The following MICAL2 variants were observed in gnomAD, a reference collection of about 807,000 sequenced individuals.
MICAL2 encodes the protein microtubule associated monooxygenase, calponin and LIM domain containing 2.
MICAL2 carries 77 observed loss-of-function variants against 127.3 expected under a neutral mutation model. That is an observed-to-expected ratio of 0.60 (90% CI 0.50 to 0.73). MICAL2 has a LOEUF of 0.73. Among genes scored for constraint, MICAL2 ranks in the 30% least tolerant of loss-of-function variants. MICAL2 has a pLI of 0.00. For synonymous variants in MICAL2, 570 were observed against 551.1 expected (o/e 1.03, Z -0.48); for missense variants, 1,351 against 1,434.4 (o/e 0.94, Z 0.94).
chr11:12,176,531 A>G (rs1285459070), intron 3 of MICAL2, among the ~76,000 whole-genome samples: 1 of 152,170 alleles, frequency 6.6e-6, no homozygotes. Flanking sequence ...TTAAGTGCAC[A>G]GTTCAGTGGC....
intron 13 of MICAL2, 103 bp downstream of exon 13, chr11:12,224,923 T>C (rs1857237441): frequency 7.2e-7 from 1 of 1,387,370 alleles, no homozygotes; most frequent in Non-Finnish European, 9.8e-7. Flanking sequence ...TCTTTCTGTG[T>C]TTCAATTTGA....
intron 3 of MICAL2, among the ~76,000 whole-genome samples, chr11:12,185,944 A>C (rs142250989): frequency 9.2e-5 from 14 of 152,360 alleles, no homozygotes; most frequent in African/African-American, 3.4e-4. Context: ...TGTGCTTCCC[A>C]GGCACATAGC....
intron 3 of MICAL2, among the ~76,000 whole-genome samples, chr11:12,168,742 G>A (rs558709966): frequency 6.6e-6 from 1 of 151,782 alleles, no homozygotes; most frequent in Non-Finnish European, 1.5e-5. Context: ...GAAAATATAG[G>A]GTGAGACCGG....
At chr11:12,151,683 C>A (rs1565046439) in intron 2 of MICAL2, among the ~76,000 whole-genome samples, 2 of 152,176 alleles carry the variant, frequency 1.3e-5, no homozygotes, top group Non-Finnish European at 2.9e-5. Flanking sequence ...TGTGCCCTGG[C>A]AGAAGTAGAA....
chr11:12,234,408 C>A (rs924507254), intron 15 of MICAL2, among the ~76,000 whole-genome samples: 4 of 152,150 alleles, frequency 2.6e-5, no homozygotes, highest in African/African-American at 9.7e-5. Flanking sequence ...GCAAGAGTAG[C>A]ATTCCCAGGC....
At chr11:12,255,366 C>T in intron 22 of MICAL2, 1 of 433,942 alleles carries the variant, frequency 2.3e-6, no homozygotes, top group African/African-American at 2.0e-5. Flanking sequence ...TGTTCTACTG[C>T]CTGTCTCTAC....
chr11:12,174,160 G>T (rs1397807350), intron 3 of MICAL2, among the ~76,000 whole-genome samples: 5 of 106,518 alleles, frequency 4.7e-5, no homozygotes, highest in Non-Finnish European at 1.2e-4. Flanking sequence ...ACTGAATTGA[G>T]TTTGAGGTTT....
chr11:12,117,600 CT>C (rs1850144156), intron 1 of MICAL2, among the ~76,000 whole-genome samples: 1 of 152,188 alleles, frequency 6.6e-6, no homozygotes. Flanking sequence ...CTAACAAGAG[CT>C]GCCCTCTGAA....
In MICAL2 at chr11:12,259,784, C is replaced by T. The variant is rs1350425681; in HGVS notation, c.3232-11C>T. 6.5e-6 allele frequency: 10 copies of T among 1,529,140 alleles called. No homozygotes were observed. Among genetic ancestry groups the T allele is most frequent in the Non-Finnish European group, 8.8e-6 (10 of 1,136,892 alleles). 94.7% of individuals were successfully genotyped at this position (1,529,140 alleles called of 1,614,324 possible). A position where few individuals can be genotyped will look rare whatever the true frequency, so the allele number is the denominator to read the frequency against. On this transcript the variant is annotated splice_polypyrimidine_tract_variant and intron_variant, in intron 25 of 27. Transcript: ENST00000683283. ...TACAGACAAATGCCCTCATTTCCAT[C>T]TCTTTCTCAGGAGGAGGCAACATGG... is the stretch of plus-strand genomic sequence containing the variant.
intron 3 of MICAL2, among the ~76,000 whole-genome samples, chr11:12,175,211 C>T (rs111738213): frequency 6.6e-6 from 1 of 151,980 alleles, no homozygotes; most frequent in African/African-American, 2.4e-5. Context: ...CACGATGGCT[C>T]ACGTCTGTAA....
At chr11:12,165,461 T>C (rs1432063764) in intron 3 of MICAL2, among the ~76,000 whole-genome samples, 1 of 152,262 alleles carries the variant, frequency 6.6e-6, no homozygotes, top group Non-Finnish European at 1.5e-5. Context: ...GGCATTTGCA[T>C]ACATGTGGCT....
At chr11:12,294,182 G>C (rs1274247049), downstream of MICAL2, 11 of 1,613,894 alleles carry the variant, frequency 6.8e-6, no homozygotes, top group Non-Finnish European at 9.3e-6. Context: ...GGAGAAGATG[G>C]GGACCCCTGC....
Position 12,162,142 on chromosome 11 carries a change from A to G in MICAL2, c.-14A>G, listed in dbSNP as rs756871087. The G allele has an allele frequency of 6.2e-7, 1 of 1,613,800 alleles. No homozygotes were observed. The highest frequency in any genetic ancestry group is 8.5e-7 in the Non-Finnish European group (1 of 1,179,986). On this transcript the variant is annotated 5_prime_UTR_variant, in exon 3 of 28. Coordinates refer to ENST00000683283, the MANE Select transcript of MICAL2 (RefSeq NM_001282663.2). ...TGTCCTCGCCGCACCACTGCCGCAC[A>G]CGACTCCTGAACCATGGGGGAAAAC...
At chr11:12,242,464 C>T (rs760961777) in intron 19 of MICAL2, 32 bp downstream of exon 19, 39 of 1,574,642 alleles carry the variant, frequency 2.5e-5, no homozygotes, top group Non-Finnish European at 3.0e-5. Context: ...CGTCTCTGTC[C>T]GTGTCTGGGT....
chr11:12,118,155 T>G (rs1046127624), intron 1 of MICAL2, among the ~76,000 whole-genome samples: 11 of 152,190 alleles, frequency 7.2e-5, no homozygotes, highest in Admixed American at 7.2e-4. Context: ...TTATCTTGTA[T>G]CTTGGGCTTT....
intron 24 of MICAL2, among the ~76,000 whole-genome samples, chr11:12,269,175 C>T (rs887108818): frequency 1.2e-4 from 18 of 152,202 alleles, no homozygotes; most frequent in Non-Finnish European, 2.4e-4. Context: ...CTTGCTGCTG[C>T]TCTGGCCAGG....
At chr11:12,269,369 G>A (rs894306270) in intron 24 of MICAL2, among the ~76,000 whole-genome samples, 5 of 152,242 alleles carry the variant, frequency 3.3e-5, no homozygotes, top group Non-Finnish European at 7.3e-5. Flanking sequence ...CACAGTGCCT[G>A]TAGTGTCAGA....
chr11:12,334,811 T>C (rs1938720539), intron 32 of MICAL2, among the ~76,000 whole-genome samples: 1 of 152,106 alleles, frequency 6.6e-6, no homozygotes, highest in African/African-American at 2.4e-5. Context: ...CTGCATAGTA[T>C]TCCATGGTGT....
At chr11:12,344,842 C>T (rs1294159187) in intron 32 of MICAL2, among the ~76,000 whole-genome samples, 5 of 149,684 alleles carry the variant, frequency 3.3e-5, no homozygotes, top group Admixed American at 6.6e-5. Context: ...GGTGCGGTGG[C>T]TCACGCCTGT....
Sources: gnomAD v4.1 joint callset for allele counts (sites outside exome capture counted in the v4.1 genomes callset) on GRCh38, gnomAD v4.1.1 for gene constraint, MANE v1.5 for transcripts, NCBI Gene and HGNC (gene_info 2026-07-23, HGNC 2026-07-21) for gene names.